Variants in MYH16 observed in about 807,000 individuals in gnomAD.
The protein encoded by MYH16 is putative uncharacterized protein MYH16.
At chr7:99,244,824 G>C (rs2150805047) in intron 2 of MYH16, among the ~76,000 whole-genome samples, 1 of 152,338 alleles carries the variant, frequency 6.6e-6, no homozygotes, top group Non-Finnish European at 1.5e-5. Flanking sequence ...CAAAGGTCAA[G>C]CTCAGGACCA....
Position 99,251,683 on chromosome 7 carries a change from A to G in MYH16, n.729+497A>G, listed in dbSNP as rs534224945. Among the ~76,000 whole-genome samples the G allele has an allele frequency of 3.3e-5, 5 of 152,322 alleles. No homozygotes were observed. In the East Asian group the frequency reaches 9.7e-4, roughly 29 times the overall value. ...AAGAAAATCTCCATTAGCATAAAAG[A>G]AGGAGGCTGGGCACAGTGGCACACT... On this transcript the variant is annotated intron_variant and non_coding_transcript_variant, in intron 6 of 41. Coordinates refer to ENST00000439784, the Ensembl canonical transcript of MYH16.
intron 16 of MYH16, chr7:99,265,266 A>G (rs1791975197): frequency 6.6e-6 from 1 of 152,558 alleles, no homozygotes; most frequent in Non-Finnish European, 1.5e-5. Flanking sequence ...AATTAAGTCC[A>G]CCTTTCATCA....
At chr7:99,267,678 C>T (rs752294633) in intron 18 of MYH16, among the ~76,000 whole-genome samples, 18 of 151,870 alleles carry the variant, frequency 1.2e-4, no homozygotes, top group Non-Finnish European at 2.1e-4. Flanking sequence ...CTGACTCAGA[C>T]AGAGCAACCT....
At chr7:99,278,788 G>T (rs967664354) in intron 21 of MYH16, among the ~76,000 whole-genome samples, 3 of 152,148 alleles carry the variant, frequency 2.0e-5, no homozygotes, top group Non-Finnish European at 4.4e-5. Context: ...GTCCCCAAAG[G>T]CCTCCAACAT....
chr7:99,242,695 G>A (rs1052221105), intron 1 of MYH16, among the ~76,000 whole-genome samples: 5 of 152,164 alleles, frequency 3.3e-5, no homozygotes, highest in African/African-American at 9.7e-5. Flanking sequence ...TCTGAAGGTA[G>A]TGAGTTATCT....
intron 21 of MYH16, among the ~76,000 whole-genome samples, chr7:99,278,781 C>G (rs1304114502): frequency 2.0e-5 from 3 of 152,202 alleles, no homozygotes; most frequent in Non-Finnish European, 4.4e-5. Flanking sequence ...TTCCACTGTC[C>G]CCAAAGGCCT....
chr7:99,276,529 A>C (rs554203478), intron 20 of MYH16, among the ~76,000 whole-genome samples: 2 of 152,382 alleles, frequency 1.3e-5, no homozygotes, highest in East Asian at 3.9e-4. Flanking sequence ...CTGGCGCTCC[A>C]GTGCAGGTGA....
intron 9 of MYH16, among the ~76,000 whole-genome samples, chr7:99,256,678 G>A (rs1342982595): frequency 1.3e-5 from 2 of 152,236 alleles, no homozygotes; most frequent in Admixed American, 6.5e-5. Flanking sequence ...GGGAGGCTGA[G>A]GAAGGAGAAT....
intron 18 of MYH16, among the ~76,000 whole-genome samples, chr7:99,268,028 T>C (rs745761143): frequency 1.1e-4 from 17 of 152,202 alleles, no homozygotes; most frequent in Non-Finnish European, 2.1e-4. Flanking sequence ...CAAACACTTA[T>C]GGTGCGCCTA....
chr7:99,248,698 G>T (rs1791768334), intron 3 of MYH16, among the ~76,000 whole-genome samples: 1 of 152,288 alleles, frequency 6.6e-6, no homozygotes, highest in East Asian at 1.9e-4. Flanking sequence ...TGTGATTTTT[G>T]TCCTCATTTC....
At chr7:99,304,254 G>A (rs1449313738) in intron 39 of MYH16, among the ~76,000 whole-genome samples, 1 of 152,194 alleles carries the variant, frequency 6.6e-6, no homozygotes, top group Non-Finnish European at 1.5e-5. Flanking sequence ...ACACAGTCCT[G>A]GGTCTTCCAA....
At chr7:99,276,483 G>T (rs1792113066) in intron 20 of MYH16, among the ~76,000 whole-genome samples, 1 of 152,280 alleles carries the variant, frequency 6.6e-6, no homozygotes, top group Non-Finnish European at 1.5e-5. Context: ...GCTTGCAGAT[G>T]CAGGGCAGAA....
chr7:99,287,123 C>G (rs939932176), intron 28 of MYH16, among the ~76,000 whole-genome samples: 4 of 152,154 alleles, frequency 2.6e-5, no homozygotes, highest in African/African-American at 9.7e-5. Flanking sequence ...ACAGGTGAGG[C>G]AGGGTGAACA....
intron 30 of MYH16, among the ~76,000 whole-genome samples, 190 bp from the exon 12 acceptor site, chr7:99,291,133 C>A (rs772720889): frequency 1.3e-5 from 2 of 152,174 alleles, no homozygotes; most frequent in African/African-American, 2.4e-5. Context: ...AACCCTTGGG[C>A]GCTTGCCTTT....
At chr7:99,299,815 G>C (rs1273924830) in intron 37 of MYH16, 157 bp downstream of exon 18, 1 of 151,880 alleles carries the variant, frequency 6.6e-6, no homozygotes, top group East Asian at 1.9e-4. Flanking sequence ...GGAGGCTTGG[G>C]GACTATATAA....
chr7:99,241,257 TCTGGAAACCC>T (rs1008096673), intron 1 of MYH16, among the ~76,000 whole-genome samples: 1 of 152,064 alleles, frequency 6.6e-6, no homozygotes, highest in Non-Finnish European at 1.5e-5. Flanking sequence ...GGACCAGAGA[TCTGGAAACCC>T]CTGGAAATGA....
At chr7:99,289,793 A>G (rs1244682478) in intron 30 of MYH16, among the ~76,000 whole-genome samples, 1 of 152,246 alleles carries the variant, frequency 6.6e-6, no homozygotes, top group Non-Finnish European at 1.5e-5. Context: ...GAGCATTTGA[A>G]AGGCAGAGAT....
intron 29 of MYH16, among the ~76,000 whole-genome samples, chr7:99,288,669 C>T (rs1792321360): frequency 6.6e-6 from 1 of 151,874 alleles, no homozygotes; most frequent in South Asian, 2.1e-4. Context: ...GCCTGGGCGA[C>T]AGAGCAAGAC....
intron 20 of MYH16, among the ~76,000 whole-genome samples, chr7:99,275,324 G>A (rs750669458): frequency 9.2e-5 from 14 of 152,168 alleles, no homozygotes; most frequent in South Asian, 8.3e-4. Context: ...TAGAGACAGC[G>A]TCTTGCTACA....
Sources: allele counts gnomAD v4.1 joint callset (sites outside exome capture counted in the v4.1 genomes callset), GRCh38; gene constraint gnomAD v4.1.1; transcripts MANE v1.5; gene names NCBI Gene and HGNC (gene_info 2026-07-23, HGNC 2026-07-21).